CSMD1: variants seen among roughly 807,000 people sequenced by gnomAD.
CSMD1 encodes CUB and sushi domain-containing protein 1.
CSMD1 carries 213 observed loss-of-function variants against 417.5 expected under a neutral mutation model. That is an observed-to-expected ratio of 0.51 (90% CI 0.46 to 0.57). CSMD1 has a LOEUF of 0.57. CSMD1 is among the 20% of genes least tolerant of loss of function. CSMD1 has a pLI of 0.00. For synonymous variants in CSMD1, 2,862 were observed against 1,736.8 expected (o/e 1.65, Z -16.11); for missense variants, 6,923 against 4,529.7 (o/e 1.53, Z -15.17).
chr8:4,432,062 AAAAC>A (rs748495246), intron 2 of CSMD1, among the ~76,000 whole-genome samples: 7 of 152,318 alleles, frequency 4.6e-5, no homozygotes, highest in Non-Finnish European at 8.8e-5. Context: ...CTCACAGACT[AAAAC>A]AGACAGGATT....
intron 2 of CSMD1, among the ~76,000 whole-genome samples, chr8:4,632,695 G>C (rs367640919): frequency 6.6e-6 from 1 of 152,178 alleles, no homozygotes; most frequent in Admixed American, 6.5e-5. Context: ...AAGGAGTACA[G>C]GCTTCCAATT....
In CSMD1 at chr8:4,137,522, G is replaced by C. The variant is rs1299324815; in HGVS notation, c.416-105423C>G. On this transcript the variant is annotated intron_variant, in intron 3 of 69. Coordinates refer to ENST00000635120, the MANE Select transcript of CSMD1 (RefSeq NM_033225.6). ...TTTTCCTTTTAAAAATATTATGGTAGTGTTTAATATTCCATTTGTATTATG... is the reference window on the plus strand; with the variant it reads ...TTTTCCTTTTAAAAATATTATGGTACTGTTTAATATTCCATTTGTATTATG... 1.5e-5 allele frequency among the ~76,000 whole-genome samples: 2 copies of C among 131,632 alleles called. 1 individual carries two copies. The highest frequency in any genetic ancestry group is 5.0e-5 in the African/African-American group (2 of 40,326). The allele number at this position is 131,632 out of a possible 152,430, so 86.4% of individuals were successfully genotyped here. A position where few individuals can be genotyped will look rare whatever the true frequency, so the allele number is the denominator to read the frequency against.
chr8:4,722,254 C>G (rs1304916685), intron 1 of CSMD1, among the ~76,000 whole-genome samples: 1 of 151,982 alleles, frequency 6.6e-6, no homozygotes, highest in Non-Finnish European at 1.5e-5. Flanking sequence ...CTATGCATAT[C>G]AAGCTATCAT....
chr8:3,512,677 G>A (rs921692153), intron 10 of CSMD1, among the ~76,000 whole-genome samples: 2 of 150,110 alleles, frequency 1.3e-5, no homozygotes, highest in African/African-American at 4.9e-5. Flanking sequence ...GACATGATCT[G>A]GGCTCCCTGC....
At chr8:3,588,435 T>G (rs1302130395) in intron 8 of CSMD1, among the ~76,000 whole-genome samples, 1 of 152,056 alleles carries the variant, frequency 6.6e-6, no homozygotes, top group Admixed American at 6.6e-5. Context: ...CCCCTTAACC[T>G]GAGGCACTGA....
chr8:3,156,925 G>T (rs1361593030), intron 39 of CSMD1, among the ~76,000 whole-genome samples: 1 of 140,764 alleles, frequency 7.1e-6, no homozygotes, highest in East Asian at 2.3e-4. Flanking sequence ...GGAGTGAGAA[G>T]TCACTTGGAT....
At chr8:3,783,099 C>A (rs1484268941) in intron 5 of CSMD1, among the ~76,000 whole-genome samples, 1 of 152,174 alleles carries the variant, frequency 6.6e-6, no homozygotes, top group Non-Finnish European at 1.5e-5. Context: ...AACCCCCAGC[C>A]TCCACCATCC....
intron 2 of CSMD1, among the ~76,000 whole-genome samples, chr8:4,567,195 T>A (rs1798654432): frequency 6.6e-6 from 1 of 152,232 alleles, no homozygotes; most frequent in Non-Finnish European, 1.5e-5. Context: ...TTTATTTGGT[T>A]TATGTCACAG....
chr8:4,554,554 A>G (rs925092522), intron 2 of CSMD1, among the ~76,000 whole-genome samples: 1 of 152,206 alleles, frequency 6.6e-6, no homozygotes, highest in African/African-American at 2.4e-5. Flanking sequence ...GTTGAGTTGT[A>G]TGGAAGTTAA....
chr8:3,924,576 A>G (rs1484794938), intron 5 of CSMD1, among the ~76,000 whole-genome samples: 1 of 152,056 alleles, frequency 6.6e-6, no homozygotes, highest in African/African-American at 2.4e-5. Context: ...TGTCCCTGTG[A>G]CTGGATAATT....
At chr8:3,366,924 CA>C in intron 20 of CSMD1, 107 bp downstream of exon 20, 1 of 875,638 alleles carries the variant, frequency 1.1e-6, no homozygotes, top group South Asian at 1.6e-5. Flanking sequence ...TGTACAAACA[CA>C]CACGGATGCA....
chr8:4,743,694 C>T (rs1342590135), intron 1 of CSMD1, among the ~76,000 whole-genome samples: 2 of 152,192 alleles, frequency 1.3e-5, no homozygotes, highest in African/African-American at 2.4e-5. Flanking sequence ...CTTTCTTCTG[C>T]TCTAACCACT....
Position 3,615,278 on chromosome 8 carries a change from C to A in CSMD1, c.1097+1432G>T, listed in dbSNP as rs530659086. Among the ~76,000 whole-genome samples, 7 of 152,250 alleles carry A rather than the reference C, an allele frequency of 4.6e-5. No homozygotes were observed. The East Asian group carries it at 1.2e-3, about 25-fold the overall frequency. ...AAAAGGTGAGGCCTGCTTGTCAGTA[C>A]AGTTTGTGCCCCAGAACTCGCCATG... On this transcript the variant is annotated intron_variant, in intron 8 of 69. Transcript: ENST00000635120.
intron 10 of CSMD1, among the ~76,000 whole-genome samples, chr8:3,502,227 T>C (rs539953466): frequency 6.6e-5 from 10 of 151,714 alleles, no homozygotes; most frequent in Non-Finnish European, 1.3e-4. Context: ...TAGCCGGGCA[T>C]GGTGGTGGGC....
intron 5 of CSMD1, among the ~76,000 whole-genome samples, chr8:3,966,403 A>C (rs531812845): frequency 6.6e-6 from 1 of 152,292 alleles, no homozygotes; most frequent in South Asian, 2.1e-4. Flanking sequence ...TCTGATAAAT[A>C]TATAATACAT....
At chr8:3,856,827 T>G (rs1445181776) in intron 5 of CSMD1, among the ~76,000 whole-genome samples, 1 of 152,090 alleles carries the variant, frequency 6.6e-6, no homozygotes, top group Non-Finnish European at 1.5e-5. Flanking sequence ...GGCCCAAAGT[T>G]AACAGAACAG....
intron 21 of CSMD1, among the ~76,000 whole-genome samples, chr8:3,352,123 G>A (rs989683869): frequency 6.6e-6 from 1 of 152,112 alleles, no homozygotes; most frequent in Non-Finnish European, 1.5e-5. Flanking sequence ...AGCCGTGTTG[G>A]CATCTCCAAA....
intron 3 of CSMD1, among the ~76,000 whole-genome samples, chr8:4,192,569 G>A (rs1321637094): frequency 6.6e-6 from 1 of 152,146 alleles, no homozygotes; most frequent in African/African-American, 2.4e-5. Flanking sequence ...CCAGCTAGTG[G>A]GTATTTTACT....
intron 5 of CSMD1, among the ~76,000 whole-genome samples, chr8:3,790,374 G>C (rs999473544): frequency 6.6e-6 from 1 of 152,106 alleles, no homozygotes; most frequent in Admixed American, 6.5e-5. Flanking sequence ...TGACGGTGAT[G>C]GTTATGATGA....
Sources: gnomAD v4.1 joint callset for allele counts (sites outside exome capture counted in the v4.1 genomes callset) on GRCh38, gnomAD v4.1.1 for gene constraint, MANE v1.5 for transcripts, NCBI Gene and HGNC (gene_info 2026-07-23, HGNC 2026-07-21) for gene names.